The following DSCAM variants were observed in gnomAD, a reference collection of about 807,000 sequenced individuals.
DSCAM encodes cell adhesion molecule DSCAM.
DSCAM carries 47 observed loss-of-function variants against 217.7 expected under a neutral mutation model. The observed-to-expected ratio is 0.22, with a 90% CI of 0.17 to 0.28. DSCAM has a LOEUF of 0.28. Among genes scored for constraint, DSCAM ranks in the 10% least tolerant of loss-of-function variants. The pLI is 1.00. For missense variants in DSCAM, 2,080 were observed against 2,618.3 expected (o/e 0.79, Z 4.49); for synonymous variants, 1,056 against 1,015.3 (o/e 1.04, Z -0.76).
At chr21:40,651,527 A>G (rs974620327) in intron 3 of DSCAM, among the ~76,000 whole-genome samples, 7 of 152,142 alleles carry the variant, frequency 4.6e-5, no homozygotes, top group African/African-American at 1.7e-4. Context: ...TATCTCATCA[A>G]TAATTTCCAT....
At chr21:40,403,350 T>G (rs1418306919) in intron 3 of DSCAM, among the ~76,000 whole-genome samples, 3 of 151,392 alleles carry the variant, frequency 2.0e-5, no homozygotes, top group Non-Finnish European at 4.4e-5. Flanking sequence ...CAGGCTGGAG[T>G]GCAGTGATGC....
intron 3 of DSCAM, among the ~76,000 whole-genome samples, chr21:40,638,529 A>C (rs143734816): frequency 3.9e-3 from 589 of 152,334 alleles, no homozygotes; most frequent in Non-Finnish European, 6.4e-3. Context: ...TATAAAATTT[A>C]AATATAAGAT....
At chr21:40,833,530 T>C (rs1442432019) in intron 1 of DSCAM, among the ~76,000 whole-genome samples, 1 of 152,168 alleles carries the variant, frequency 6.6e-6, no homozygotes, top group Non-Finnish European at 1.5e-5. Context: ...CTAATTAGCA[T>C]AATTGCTTGA....
intron 2 of DSCAM, among the ~76,000 whole-genome samples, chr21:40,701,072 A>T (rs1205743651): frequency 6.6e-6 from 1 of 152,162 alleles, no homozygotes; most frequent in Non-Finnish European, 1.5e-5. Context: ...GATTAGTAGA[A>T]TTCAATAGTG....
At chr21:40,531,587 GA>G (rs1393018696) in intron 3 of DSCAM, among the ~76,000 whole-genome samples, 2 of 152,210 alleles carry the variant, frequency 1.3e-5, no homozygotes, top group Non-Finnish European at 2.9e-5. Context: ...AGGAAGAACA[GA>G]GCAGATTCCA....
At position 40,353,613 on chromosome 21, in the gene DSCAM, G is replaced by A; in HGVS notation, c.786C>T (p.Asn262=). 1 of 1,611,746 alleles carries A rather than the reference G, an allele frequency of 6.2e-7. No individual in the cohort carries two copies. Among genetic ancestry groups the A allele is most frequent in the Non-Finnish European group, 8.5e-7 (1 of 1,179,500 alleles). The change falls in exon 5 of 33, where the codon AAC becomes AAT. Residue 262 remains asparagine (N), a synonymous_variant. Coordinates refer to ENST00000400454, the MANE Select transcript of DSCAM (RefSeq NM_001389.5). ...PEPDYRWLKD[N]MPLELSGRFQ... ...ACCTCCCTGAAAGTTCCAGGGGCAT[G>A]TTGTCCTTCAGCCAGCGGTAATCTG...
At chr21:40,740,726 AGAG>A (rs1240674101) in intron 1 of DSCAM, among the ~76,000 whole-genome samples, 1 of 152,160 alleles carries the variant, frequency 6.6e-6, no homozygotes, top group Non-Finnish European at 1.5e-5. Context: ...ACTGGGGCTG[AGAG>A]GAGGACTCAG....
At chr21:40,521,821 C>T (rs144653270) in intron 3 of DSCAM, among the ~76,000 whole-genome samples, 2,468 of 152,152 alleles carry the variant, frequency 0.016, 74 homozygotes, top group African/African-American at 0.055. Flanking sequence ...CAACAAGGTA[C>T]GCACATCTCA....
At chr21:40,607,065 T>C (rs2089249098) in intron 3 of DSCAM, among the ~76,000 whole-genome samples, 1 of 152,204 alleles carries the variant, frequency 6.6e-6, no homozygotes, top group East Asian at 1.9e-4. Context: ...AATTACCCAG[T>C]CTTGGGTATG....
In DSCAM at chr21:40,653,315, A is replaced by G. The variant is rs1469473919; in HGVS notation, c.508+39495T>C. The stretch of plus-strand genomic sequence containing the variant: ...ACGGTCTTGGAGCAGTAGAAAAAAG[A>G]TGGCTGCTTTGATGTGCCCAGGTGG... On this transcript the variant is annotated intron_variant, in intron 3 of 32. Transcript: ENST00000400454. Among the ~76,000 whole-genome samples, 28 of 152,176 alleles carry G rather than the reference A, an allele frequency of 1.8e-4. 1 individual carries two copies. The highest frequency in any genetic ancestry group is 1.8e-3 in the Admixed American group (27 of 15,274).
At chr21:40,254,510 G>T (rs1480689164) in intron 11 of DSCAM, among the ~76,000 whole-genome samples, 1 of 152,172 alleles carries the variant, frequency 6.6e-6, no homozygotes, top group East Asian at 1.9e-4. Flanking sequence ...ATAGTCATGA[G>T]CTTTTCCAAC....
chr21:40,602,792 G>C (rs2077072564), intron 3 of DSCAM, among the ~76,000 whole-genome samples: 1 of 151,980 alleles, frequency 6.6e-6, no homozygotes, highest in Non-Finnish European at 1.5e-5. Flanking sequence ...TAGTTTTGCT[G>C]ATTTTCTCTA....
chr21:40,148,163 C>T (rs73225227), intron 16 of DSCAM, among the ~76,000 whole-genome samples: 5 of 152,004 alleles, frequency 3.3e-5, no homozygotes, highest in East Asian at 3.9e-4. Flanking sequence ...TAGAGTTATG[C>T]GTTATTTGAT....
intron 3 of DSCAM, among the ~76,000 whole-genome samples, chr21:40,490,466 G>A (rs890271480): frequency 6.6e-6 from 1 of 152,114 alleles, no homozygotes; most frequent in African/African-American, 2.4e-5. Flanking sequence ...CCCACTGTGT[G>A]GCTGATGGAT....
intron 3 of DSCAM, among the ~76,000 whole-genome samples, chr21:40,673,424 C>G (rs143517650): frequency 3.9e-5 from 6 of 152,324 alleles, no homozygotes; most frequent in Non-Finnish European, 5.9e-5. Context: ...AAACATCTAA[C>G]TCATATTTAA....
chr21:40,574,113 A>G (rs2076830299), intron 3 of DSCAM, among the ~76,000 whole-genome samples: 1 of 152,122 alleles, frequency 6.6e-6, no homozygotes, highest in African/African-American at 2.4e-5. Context: ...GGAGGAGGGA[A>G]CACTTCCCAA....
chr21:40,669,145 T>C (rs1013659328), intron 3 of DSCAM, among the ~76,000 whole-genome samples: 1 of 152,190 alleles, frequency 6.6e-6, no homozygotes, highest in Admixed American at 6.5e-5. Flanking sequence ...AACAATTCTG[T>C]TAGTCATTTA....
chr21:40,630,882 A>G (rs1421411595), intron 3 of DSCAM: 1 of 152,198 alleles, frequency 6.6e-6, no homozygotes, highest in Non-Finnish European at 1.5e-5. Flanking sequence ...GGGGGAAGAA[A>G]GAATGGGCTC....
chr21:40,508,763 ATATATATATATATATATATATTT>A (rs1377972087), intron 3 of DSCAM, among the ~76,000 whole-genome samples: 219 of 3,806 alleles, frequency 0.058, 2 homozygotes, highest in African/African-American at 0.22. Flanking sequence ...ATATATATAT[ATATATATATATATATATATATTT>A]TTTTTTTTTT....
Sources: allele counts gnomAD v4.1 joint callset (sites outside exome capture counted in the v4.1 genomes callset), GRCh38; gene constraint gnomAD v4.1.1; transcripts MANE v1.5; gene names NCBI Gene and HGNC (gene_info 2026-07-23, HGNC 2026-07-21).